Variants in SMG1 observed in about 807,000 individuals in gnomAD.
The protein encoded by SMG1 is SMG1 nonsense mediated mRNA decay associated PI3K related kinase, also known as serine/threonine-protein kinase SMG1.
SMG1 carries 22 observed loss-of-function variants against 419.9 expected under a neutral mutation model. That is an observed-to-expected ratio of 0.05 (90% confidence interval 0.04 to 0.07). The LOEUF (loss-of-function observed/expected upper bound fraction) is 0.07. Among genes scored for constraint, SMG1 ranks in the 10% least tolerant of loss-of-function variants. SMG1 has a pLI of 1.00. For missense variants in SMG1, 3,185 were observed against 4,342.0 expected (o/e 0.73, Z 7.49); for synonymous variants, 1,538 against 1,553.5 (o/e 0.99, Z 0.23).
At position 18,817,385 on chromosome 16, in the gene SMG1, A is replaced by G. The variant is rs532581672; in HGVS notation, c.9980T>C (p.Phe3327Ser). 1 of 1,609,710 alleles carries G rather than the reference A, an allele frequency of 6.2e-7. No individual in the cohort carries two copies. Among genetic ancestry groups the G allele is most frequent in the Non-Finnish European group, 8.5e-7 (1 of 1,177,794 alleles). The change falls in exon 57 of 63, where the codon TTT becomes TCT. Residue 3327 changes from phenylalanine (F) to serine (S), a missense_variant. This residue lies in a region of SMG1 where 737 missense variants were observed against 846.6 expected (regional missense o/e 0.87). Transcript: ENST00000446231. ...AEALNLDAAL[F>S]ELIKRCQQMC... is the part of the protein sequence containing the mutation. The stretch of plus-strand genomic sequence containing the variant: ...CTGCTGACATCGCTTGATTAGTTCA[A>G]ATAACGCCGCATCCAGGTTTAAGGC...
rs1390291427 is a variant in SMG1 at position 18,830,334 on chromosome 16, G to A, written c.8828C>T (p.Pro2943Leu). The A allele has an allele frequency of 1.9e-6, 3 of 1,613,840 alleles. No individual in the cohort carries two copies. Among genetic ancestry groups the A allele is most frequent in the Non-Finnish European group, 2.5e-6 (3 of 1,179,862 alleles). ...TGTTTCATCAACTGAACCATTTCTC[G>A]GTTGGATTAATTCACCGTACTGAGC... is the stretch of plus-strand genomic sequence containing the variant. ...LHAQYGELIQ[P>L]RNGSVDETPK... The change falls in exon 52 of 63, where the codon CCG becomes CTG. Residue 2943 changes from proline to leucine, a missense_variant. Physicochemically the swap from Pro to Leu is moderately conservative, Grantham distance 98. Transcript: ENST00000446231.
chr16:18,894,772 T>C (rs1465277372), intron 3 of SMG1, among the ~76,000 whole-genome samples: 2 of 152,058 alleles, frequency 1.3e-5, no homozygotes, highest in Non-Finnish European at 2.9e-5. Context: ...TAAATTTCTC[T>C]TTAAGGAAAA....
intron 6 of SMG1, among the ~76,000 whole-genome samples, chr16:18,886,117 T>C (rs184870366): frequency 0.013 from 1,956 of 152,030 alleles, 54 homozygotes; most frequent in African/African-American, 0.045. Flanking sequence ...TATCCCTAAA[T>C]GCTCTCTTTA....
At position 18,806,345 on chromosome 16, in the gene SMG1, C is replaced by T. The variant is rs965040809; in HGVS notation, c.*3224G>A. 3 of 152,592 alleles carry T rather than the reference C, an allele frequency of 2.0e-5. No individual in the cohort carries two copies. The highest frequency in any genetic ancestry group is 4.4e-5 in the Non-Finnish European group (3 of 68,034). 9.5% of individuals were successfully genotyped at this position (152,592 alleles called of 1,614,324 possible). On this transcript the variant is annotated 3_prime_UTR_variant, in exon 63 of 63. Transcript: ENST00000446231. ...TGTATTACAAACCCTCACCCTAAAC[C>T]TGGGGTTTGGGCTCTAAAAAAGTAA...
In SMG1 at chr16:18,829,937, T is replaced by C. The variant is rs2641887; in HGVS notation, c.9122A>G (p.Lys3041Arg). The change falls in exon 53 of 63, where the codon AAA becomes AGA. Residue 3041 changes from lysine (K) to arginine (R), a missense_variant. Lys to Arg is a conservative substitution (Grantham distance 26). Coordinates refer to ENST00000446231, the MANE Select transcript of SMG1 (RefSeq NM_015092.5). ...AGGTAGAATATTACCTGACAATGTT[T>C]TAGAAAAGGTACCACAGAGCCTGAA... ...EFFRLCGTFSKTLSGSSSLED... is the reference protein window; with the variant it reads ...EFFRLCGTFSRTLSGSSSLED... The C allele has an allele frequency of 1.5e-4, 240 of 1,552,230 alleles. No individual in the cohort carries two copies. In the African/African-American group the frequency reaches 3.1e-3, roughly 20 times the overall value.
At chr16:18,912,663 T>G (rs1567459246) in intron 1 of SMG1, among the ~76,000 whole-genome samples, 1 of 152,112 alleles carries the variant, frequency 6.6e-6, no homozygotes, top group Admixed American at 6.5e-5. Context: ...TACCACATAC[T>G]TACGACCTAT....
rs1442143572 is a variant in SMG1, at chr16:18,864,050, A to C, written c.3445T>G (p.Leu1149Val). ...GCACTGTTACGCCCAGCATTGGCTA[A>C]GGTGAGCACCGATTTGTCAAAGCTG... ...ISSFDKSVLT[L>V]ANAGRNSASP... Residue 1149 changes from leucine (L) to valine (V), a missense_variant, in exon 24 of 63, where the codon TTA becomes GTA. Coordinates refer to ENST00000446231, the MANE Select transcript of SMG1 (RefSeq NM_015092.5). The C allele has an allele frequency of 6.4e-5, 99 of 1,549,964 alleles. No homozygotes were observed. Among genetic ancestry groups the C allele is most frequent in the Non-Finnish European group, 7.8e-5 (90 of 1,146,984 alleles).
chr16:18,813,694 T>G (rs1360448963), intron 60 of SMG1, among the ~76,000 whole-genome samples: 1 of 152,208 alleles, frequency 6.6e-6, no homozygotes, highest in Non-Finnish European at 1.5e-5. Context: ...ATTTTGGCTT[T>G]TGTTGCCATT....
At position 18,869,204 on chromosome 16, in the gene SMG1, G is replaced by C; in HGVS notation, c.2733C>G (p.Val911=). Residue 911 remains valine (V), a synonymous_variant, in exon 20 of 63, where the codon GTC becomes GTG. Coordinates refer to ENST00000446231, the MANE Select transcript of SMG1 (RefSeq NM_015092.5). ...IPRNLLKTDA[V]LWQWAIWEAA... ...CTTCCCATATGGCCCACTGCCAAAGGACAGCATCTGTCTTCAGGAGATTGC... is the reference window on the plus strand; with the variant it reads ...CTTCCCATATGGCCCACTGCCAAAGCACAGCATCTGTCTTCAGGAGATTGC... 6.2e-7 allele frequency: 1 copy of C among 1,611,742 alleles called. No individual in the cohort carries two copies.
In SMG1 at chr16:18,853,573, G is replaced by T; in HGVS notation, c.4768+10C>A. On this transcript the variant is annotated intron_variant, in intron 31 of 62. Transcript: ENST00000446231. ...AAATTAATATTCTAAAGCTAATAAAGCAACTCTACCTGTAGATTCACTCTC... is the reference window on the plus strand; with the variant it reads ...AAATTAATATTCTAAAGCTAATAAATCAACTCTACCTGTAGATTCACTCTC... The T allele has an allele frequency of 6.5e-7, 1 of 1,546,832 alleles. No individual in the cohort carries two copies. The highest frequency in any genetic ancestry group is 8.7e-7 in the Non-Finnish European group (1 of 1,147,684).
In SMG1 at chr16:18,813,606, G is replaced by T. The variant is rs1411150317; in HGVS notation, c.10622-1479C>A. 6.6e-5 allele frequency among the ~76,000 whole-genome samples: 10 copies of T among 152,260 alleles called. No individual in the cohort carries two copies. In the East Asian group the frequency reaches 1.9e-3, roughly 29 times the overall value. On this transcript the variant is annotated intron_variant, in intron 60 of 62. Coordinates refer to ENST00000446231, the MANE Select transcript of SMG1 (RefSeq NM_015092.5). ...GATTGCAAAAATTTTCTCCCATTCT[G>T]TAGGTTGCCTGTTCACTCTGATGGT... is the stretch of plus-strand genomic sequence containing the variant.
chr16:18,819,200 T>TAA (rs1007253316), intron 56 of SMG1, among the ~76,000 whole-genome samples: 2 of 152,200 alleles, frequency 1.3e-5, no homozygotes, highest in African/African-American at 4.8e-5. Context: ...TTGGATCACT[T>TAA]TAGTTGTATA....
At chr16:18,818,880 G>C (rs910386115) in intron 56 of SMG1, among the ~76,000 whole-genome samples, 2 of 143,582 alleles carry the variant, frequency 1.4e-5, no homozygotes, top group Non-Finnish European at 3.0e-5. Flanking sequence ...TCAGTGGCAC[G>C]ATCTTGGATC....
rs2035763057 is a variant in SMG1 at position 18,870,595 on chromosome 16, A to G, written c.2492+15T>C. On this transcript the variant is annotated intron_variant, in intron 18 of 62. Transcript: ENST00000446231. ...AATATCACAGAATGTCTTTGCTCCA[A>G]AACAACTGTTATACCTTAGGACAAC... 6.6e-7 allele frequency: 1 copy of G among 1,511,882 alleles called. No individual in the cohort carries two copies. The highest frequency in any genetic ancestry group is 1.4e-5 in the African/African-American group (1 of 73,050). 93.7% of individuals were successfully genotyped at this position (1,511,882 alleles called of 1,614,324 possible).
intron 62 of SMG1, among the ~76,000 whole-genome samples, chr16:18,811,303 T>C (rs565062228): frequency 6.6e-6 from 1 of 152,148 alleles, no homozygotes; most frequent in Non-Finnish European, 1.5e-5. Context: ...CTGACTAGAT[T>C]TTCACTACTG....
Position 18,808,289 on chromosome 16 carries a change from A to T in SMG1, c.*1280T>A, listed in dbSNP as rs2031037846. On this transcript the variant is annotated 3_prime_UTR_variant, in exon 63 of 63. Transcript: ENST00000446231. ...AAAGCACTTCACAGACTAATAACTG[A>T]ACTTAATAAAAGATGTTGGTGGATC... 6.6e-6 allele frequency: 1 copy of T among 152,202 alleles called. No homozygotes were observed. The highest frequency in any genetic ancestry group is 1.5e-5 in the Non-Finnish European group (1 of 68,032). The allele number at this position is 152,202 out of a possible 1,614,324, so 9.4% of individuals were successfully genotyped here. A position where few individuals can be genotyped will look rare whatever the true frequency, so the allele number is the denominator to read the frequency against.
At chr16:18,909,396 A>C (rs1207207144) in intron 1 of SMG1, among the ~76,000 whole-genome samples, 1 of 151,402 alleles carries the variant, frequency 6.6e-6, no homozygotes, top group Non-Finnish European at 1.5e-5. Flanking sequence ...ATCCTAGGCC[A>C]AGCCAGCTGC....
chr16:18,827,856 C>CTA (rs66730720), intron 55 of SMG1, among the ~76,000 whole-genome samples, 175 bp downstream of exon 55: 44,505 of 143,542 alleles, frequency 0.31, 7,968 homozygotes, highest in East Asian at 0.5. Context: ...ATATATATAC[C>CTA]TATATATATA....
rs1336124543 is a variant in SMG1, at chr16:18,863,773, C to A, written c.3572G>T (p.Cys1191Phe). The change falls in exon 25 of 63, where the codon TGT becomes TTT. Residue 1191 changes from cysteine (C) to phenylalanine (F), a missense_variant. Physicochemically the swap from Cys to Phe is radical, Grantham distance 205. Transcript: ENST00000446231. Reference protein sequence around the residue: ...EVINYLGNKACECYISIADWA... With the variant: ...EVINYLGNKAFECYISIADWA... ...ATCGGCAATTGAGATGTAGCACTCA[C>A]ATGCTTTATTTCCTAAATAATTTAT... The A allele has an allele frequency of 2.5e-6, 4 of 1,578,568 alleles. No individual in the cohort carries two copies. The East Asian group carries it at 6.7e-5, about 26-fold the overall frequency.
Sources: allele counts gnomAD v4.1 joint callset (sites outside exome capture counted in the v4.1 genomes callset), GRCh38; gene constraint gnomAD v4.1.1; regional missense constraint gnomAD v4.1.1; transcripts MANE v1.5; gene names NCBI Gene and HGNC (gene_info 2026-07-23, HGNC 2026-07-21).